The following SLC20A2 variants were observed in gnomAD, a reference collection of about 807,000 sequenced individuals.
SLC20A2 encodes solute carrier family 20 member 2.
In SLC20A2, 30 loss-of-function variants were observed where a neutral mutation model predicts 61.0. The observed-to-expected ratio is 0.49, with a 90% CI of 0.37 to 0.67. The LOEUF is 0.67. Among genes scored for constraint, SLC20A2 ranks in the 30% least tolerant of loss-of-function variants. The pLI, the probability that SLC20A2 is intolerant of heterozygous loss-of-function variation, is 0.00. For missense variants in SLC20A2, 626 were observed against 866.4 expected, an observed-to-expected ratio of 0.72 and a Z score of 3.48; for synonymous variants, 351 against 353.3, an observed-to-expected ratio of 0.99 and a Z score of 0.07.
intron 5 of SLC20A2, 75 bp downstream of exon 5, chr8:42,459,821 C>A (rs1015372406): frequency 7.2e-6 from 7 of 966,998 alleles, no homozygotes; most frequent in East Asian, 2.6e-5. Flanking sequence ...GCCAACAATA[C>A]CAGCACCAAA....
chr8:42,541,312 G>C (rs1221415300), intron 1 of SLC20A2: 1 of 148,706 alleles, frequency 6.7e-6, no homozygotes, highest in South Asian at 2.1e-4. Context: ...CGCCGCCGCC[G>C]CGAGCCCCGC....
chr8:42,520,833 A>G lies in SLC20A2; in HGVS notation c.-265+20988T>C, dbSNP rs1811599387. ...ACGGTAATTATTCCCCACAAGAAAA[A>G]GCTCAATAAAACATTAAAAGGGATT... On this transcript the variant is annotated intron_variant, in intron 1 of 10. Transcript: ENST00000342228. Among the ~76,000 whole-genome samples, 5 of 121,422 alleles carry G rather than the reference A, an allele frequency of 4.1e-5. 1 individual carries two copies. The South Asian group carries it at 1.5e-3, about 35-fold the overall frequency. The allele number at this position is 121,422 out of a possible 152,430, so 79.7% of individuals were successfully genotyped here. A position where few individuals can be genotyped will look rare whatever the true frequency, so the allele number is the denominator to read the frequency against.
chr8:42,537,848 T>C (rs953128157), intron 1 of SLC20A2: 1 of 152,210 alleles, frequency 6.6e-6, no homozygotes, highest in African/African-American at 2.4e-5. Context: ...GCAAAAGTAG[T>C]GCTTAGATGT....
Position 42,463,081 on chromosome 8 carries a change from C to G in SLC20A2, c.440G>C (p.Trp147Ser). ...ACCAGACAACAGTGGAGATATAAAC[C>G]AAGAAGCAACTGAATAATTAAAAAA... ...WMELVKIVASWFISPLLSGFM... is the reference protein window; with the variant it reads ...WMELVKIVASSFISPLLSGFM... Residue 147 changes from tryptophan (W) to serine (S), a missense_variant, in exon 4 of 11, where the codon TGG (tryptophan) becomes TCG (serine). This residue lies in a region of SLC20A2 where 127 missense variants were observed against 215.4 expected (regional missense o/e 0.59). Transcript: ENST00000520262. The G allele has an allele frequency of 6.4e-7, 1 of 1,574,462 alleles. No individual in the cohort carries two copies. The highest frequency in any genetic ancestry group is 8.6e-7 in the Non-Finnish European group (1 of 1,157,272).
chr8:42,526,441 AGGTG>A (rs1811945560), intron 1 of SLC20A2, among the ~76,000 whole-genome samples: 2 of 152,128 alleles, frequency 1.3e-5, no homozygotes, highest in Non-Finnish European at 2.9e-5. Context: ...TGGGAGGCCA[AGGTG>A]GGCGGATCAC....
chr8:42,506,592 G>A (rs1275310241), intron 1 of SLC20A2, among the ~76,000 whole-genome samples: 1 of 152,204 alleles, frequency 6.6e-6, no homozygotes, highest in Non-Finnish European at 1.5e-5. Flanking sequence ...AAAATAAAAT[G>A]TTGAAAGGAA....
chr8:42,444,075 A>G (rs570286588), intron 6 of SLC20A2, among the ~76,000 whole-genome samples: 1 of 152,324 alleles, frequency 6.6e-6, no homozygotes, highest in Non-Finnish European at 1.5e-5. Flanking sequence ...TTGGGCTATT[A>G]TGACAAAAAG....
intron 1 of SLC20A2, among the ~76,000 whole-genome samples, chr8:42,488,771 T>C (rs1341599867): frequency 6.6e-6 from 1 of 152,136 alleles, no homozygotes; most frequent in African/African-American, 2.4e-5. Flanking sequence ...GGTAGCTCAT[T>C]GTGGTATGAT....
intron 6 of SLC20A2, among the ~76,000 whole-genome samples, chr8:42,444,312 G>C (rs556890120): frequency 6.6e-6 from 1 of 152,260 alleles, no homozygotes; most frequent in East Asian, 1.9e-4. Context: ...TGTACTCTTA[G>C]CCATTCTTGT....
At chr8:42,507,591 G>A (rs558993304) in intron 1 of SLC20A2, among the ~76,000 whole-genome samples, 1 of 152,260 alleles carries the variant, frequency 6.6e-6, no homozygotes, top group Admixed American at 6.5e-5. Context: ...TCTACATTCA[G>A]AACAGCCACC....
intron 1 of SLC20A2, among the ~76,000 whole-genome samples, chr8:42,517,430 G>T (rs920298221): frequency 6.6e-6 from 1 of 151,874 alleles, no homozygotes. Flanking sequence ...TGCTATTGAT[G>T]GGAACTTAGA....
intron 1 of SLC20A2, among the ~76,000 whole-genome samples, chr8:42,521,187 C>T (rs1811611265): frequency 8.2e-6 from 1 of 121,312 alleles, no homozygotes; most frequent in African/African-American, 2.5e-5. Flanking sequence ...TTTGTAAAAA[C>T]AAAATAACCC....
chr8:42,447,488 T>C (rs183324614), intron 5 of SLC20A2, among the ~76,000 whole-genome samples: 4,050 of 152,136 alleles, frequency 0.027, 69 homozygotes, highest in Non-Finnish European at 0.038. Flanking sequence ...CCATCCTGGC[T>C]AACACGGTGA....
chr8:42,423,503 T>G (rs768906966), intron 10 of SLC20A2, among the ~76,000 whole-genome samples: 27 of 151,912 alleles, frequency 1.8e-4, no homozygotes, highest in African/African-American at 6.6e-4. Flanking sequence ...TTTTTAAAAT[T>G]TTATAGAGAT....
rs1804858386 is a variant in SLC20A2 at position 42,442,404 on chromosome 8, G to A, written c.730+2242C>T. ...AGTTAATTTTTAAAATAAGGTTTAG[G>A]TTAATGTTCTTATTTTGGCATATGG... is the stretch of plus-strand genomic sequence containing the variant. On this transcript the variant is annotated intron_variant, in intron 6 of 10. Coordinates refer to ENST00000520262, the MANE Select transcript of SLC20A2 (RefSeq NM_001257180.2). 2.6e-5 allele frequency among the ~76,000 whole-genome samples: 4 copies of A among 152,026 alleles called. No homozygotes were observed. The South Asian group carries it at 8.3e-4, about 32-fold the overall frequency.
chr8:42,492,917 G>A (rs984901716), intron 1 of SLC20A2, among the ~76,000 whole-genome samples: 3 of 152,096 alleles, frequency 2.0e-5, no homozygotes, highest in East Asian at 1.9e-4. Flanking sequence ...TCCTGACCTC[G>A]TGATCCACCC....
chr8:42,529,468 G>T (rs1812194457), intron 1 of SLC20A2, among the ~76,000 whole-genome samples: 1 of 151,986 alleles, frequency 6.6e-6, no homozygotes, highest in African/African-American at 2.4e-5. Flanking sequence ...AATAGCAATG[G>T]GTTAATGTAT....
intron 5 of SLC20A2, among the ~76,000 whole-genome samples, chr8:42,453,427 A>C (rs1563475915): frequency 6.6e-6 from 1 of 152,244 alleles, no homozygotes; most frequent in African/African-American, 2.4e-5. Context: ...AAGTAACACA[A>C]ATCAAACTAA....
chr8:42,486,735 C>G (rs1391693488), intron 1 of SLC20A2, among the ~76,000 whole-genome samples: 1 of 152,218 alleles, frequency 6.6e-6, no homozygotes, highest in Non-Finnish European at 1.5e-5. Context: ...AAGAGTTTCT[C>G]TCTGTCTCTT....
Sources: allele counts gnomAD v4.1 joint callset (sites outside exome capture counted in the v4.1 genomes callset), GRCh38; gene constraint gnomAD v4.1.1; regional missense constraint gnomAD v4.1.1; transcripts MANE v1.5; gene names NCBI Gene and HGNC (gene_info 2026-07-23, HGNC 2026-07-21).